The following KCNMA1 variants were observed in gnomAD, a reference collection of about 807,000 sequenced individuals.
KCNMA1 encodes potassium calcium-activated channel subfamily M alpha 1.
In KCNMA1, 29 loss-of-function variants were observed where a neutral mutation model predicts 140.0. The ratio of observed to expected loss-of-function variants is 0.21; its 90% confidence interval spans 0.15 to 0.28. The LOEUF (loss-of-function observed/expected upper bound fraction) is 0.28, where lower values mean the gene tolerates loss of function less well. KCNMA1 is among the 10% of genes least tolerant of loss of function. The pLI, the probability that KCNMA1 is intolerant of heterozygous loss-of-function variation, is 1.00. For missense variants in KCNMA1, 880 were observed against 1,602.2 expected (o/e 0.55, Z 7.70); for synonymous variants, 612 against 611.9 (o/e 1.00, Z 0.00).
intron 1 of KCNMA1, among the ~76,000 whole-genome samples, chr10:77,456,899 C>T (rs2097770778): frequency 6.6e-6 from 1 of 152,198 alleles, no homozygotes; most frequent in Admixed American, 6.5e-5. Context: ...AGAGTATAGA[C>T]ACTGTCGCTA....
Position 77,025,242 on chromosome 10 carries a change from GTATATATA to G in KCNMA1, c.1928+2573_1928+2580del, listed in dbSNP as rs1183311699. ...ACTCTAGTTGGAGAGGGGTGTGTGT[GTATATATA>G]TATATATATATATATATATATATAT... On this transcript the variant is annotated intron_variant, in intron 16 of 27. Coordinates refer to ENST00000286628, the MANE Select transcript of KCNMA1 (RefSeq NM_001161352.2). 7.7e-4 allele frequency among the ~76,000 whole-genome samples: 33 copies of G among 42,764 alleles called. No homozygotes were observed. In the South Asian group the frequency reaches 0.019, roughly 24 times the overall value. 28.1% of individuals were successfully genotyped at this position (42,764 alleles called of 152,430 possible).
intron 2 of KCNMA1, among the ~76,000 whole-genome samples, chr10:77,297,083 G>A (rs928006441): frequency 3.9e-5 from 6 of 152,086 alleles, no homozygotes; most frequent in Non-Finnish European, 8.8e-5. Flanking sequence ...GACCACCCCC[G>A]TAACTTGTGA....
intron 3 of KCNMA1, among the ~76,000 whole-genome samples, chr10:77,244,800 G>A (rs1325048697): frequency 2.4e-5 from 1 of 40,984 alleles, no homozygotes; most frequent in Admixed American, 2.6e-4. Flanking sequence ...GGTACATTCT[G>A]AAGGGAGACA....
At chr10:77,446,732 G>A (rs796992203) in intron 1 of KCNMA1, among the ~76,000 whole-genome samples, 6 of 152,220 alleles carry the variant, frequency 3.9e-5, no homozygotes, top group African/African-American at 1.2e-4. Context: ...GGCTTCAGAA[G>A]ATAGCTAGAA....
chr10:77,453,937 T>G (rs772103740), intron 1 of KCNMA1, among the ~76,000 whole-genome samples: 1 of 152,112 alleles, frequency 6.6e-6, no homozygotes, highest in East Asian at 1.9e-4. Flanking sequence ...GGTAGAGTAC[T>G]GAGAATAGCA....
chr10:77,260,007 G>C (rs963409477), intron 2 of KCNMA1, among the ~76,000 whole-genome samples: 1 of 152,216 alleles, frequency 6.6e-6, no homozygotes, highest in African/African-American at 2.4e-5. Context: ...GGAAGCAAAA[G>C]AGAGGTGGGA....
intron 1 of KCNMA1, among the ~76,000 whole-genome samples, chr10:77,510,373 A>G (rs975420374): frequency 9.2e-5 from 14 of 152,082 alleles, no homozygotes; most frequent in African/African-American, 3.4e-4. Flanking sequence ...ATACCACTTA[A>G]TTGACTGATT....
In KCNMA1 at chr10:77,079,540, T is replaced by C. The variant is rs781682363; in HGVS notation, c.1534A>G (p.Ile512Val). Residue 512 changes from isoleucine (I) to valine (V), a missense_variant, in exon 13 of 28, where the codon ATA becomes GTA. By Grantham distance (29) the Ile-to-Val change is conservative (BLOSUM62 3). This residue lies in a region of KCNMA1 where 198 missense variants were observed against 580.1 expected (regional missense o/e 0.34). Coordinates refer to ENST00000286628, the MANE Select transcript of KCNMA1 (RefSeq NM_001161352.2). Reference sequence around the variant, plus strand: ...CTTATCTTCGGATGGTAGTTCTTTATGGAGATTACTCTGAAAAAGAAAGAA... The same window carrying C: ...CTTATCTTCGGATGGTAGTTCTTTACGGAGATTACTCTGAAAAAGAAAGAA... Reference protein sequence around the residue: ...DASNIMRVISIKNYHPKIRII... With the variant: ...DASNIMRVISVKNYHPKIRII... The C allele has an allele frequency of 2.5e-6, 4 of 1,606,498 alleles. No homozygotes were observed. The highest frequency in any genetic ancestry group is 2.2e-5 in the East Asian group (1 of 44,836).
At chr10:77,289,526 A>G (rs142423100) in intron 2 of KCNMA1, among the ~76,000 whole-genome samples, 161 of 152,356 alleles carry the variant, frequency 1.1e-3, no homozygotes, top group Middle Eastern at 0.01. Flanking sequence ...CTTCTCTTTT[A>G]AAGAACCACT....
At chr10:77,535,154 C>T (rs949467867) in intron 1 of KCNMA1, among the ~76,000 whole-genome samples, 2 of 152,156 alleles carry the variant, frequency 1.3e-5, no homozygotes, top group African/African-American at 4.8e-5. Context: ...GTAGCAACCA[C>T]ACATCAGTTA....
intron 9 of KCNMA1, among the ~76,000 whole-genome samples, chr10:77,098,564 A>G (rs1333826578): frequency 3.4e-5 from 5 of 148,574 alleles, no homozygotes; most frequent in South Asian, 2.2e-4. Context: ...TCTCTAAGGT[A>G]CCCTAACCTT....
intron 1 of KCNMA1, among the ~76,000 whole-genome samples, chr10:77,603,179 C>T (rs374940623): frequency 6.6e-6 from 1 of 152,296 alleles, no homozygotes; most frequent in Non-Finnish European, 1.5e-5. Flanking sequence ...CCACATCCCC[C>T]CTGGTGCCCT....
intron 1 of KCNMA1, among the ~76,000 whole-genome samples, chr10:77,450,624 A>G (rs1055354293): frequency 2.0e-5 from 3 of 152,188 alleles, no homozygotes; most frequent in Admixed American, 2.0e-4. Flanking sequence ...ACTTTAAGGT[A>G]TCTCACTAGT....
At position 77,016,479 on chromosome 10, in the gene KCNMA1, G is replaced by A. The variant is rs995204438; in HGVS notation, c.2015+2534C>T. Among the ~76,000 whole-genome samples, 3 of 152,252 alleles carry A rather than the reference G, an allele frequency of 2.0e-5. No homozygotes were observed. The East Asian group carries it at 5.8e-4, about 29-fold the overall frequency. On this transcript the variant is annotated intron_variant, in intron 17 of 27. Transcript: ENST00000286628. Reference sequence around the variant, plus strand: ...ACATTTGATGGGCGAATGAATGAGTGAGTTTGAGACTGCTTCCCGGTATTG... The same window carrying A: ...ACATTTGATGGGCGAATGAATGAGTAAGTTTGAGACTGCTTCCCGGTATTG...
At chr10:77,607,635 C>T (rs904776762) in intron 1 of KCNMA1, among the ~76,000 whole-genome samples, 9 of 151,954 alleles carry the variant, frequency 5.9e-5, no homozygotes, top group East Asian at 3.9e-4. Flanking sequence ...GCTTTGGATA[C>T]GGAGCAGAAA....
At chr10:77,012,527 G>A (rs2091049749) in intron 17 of KCNMA1, 3 of 1,550,134 alleles carry the variant, frequency 1.9e-6, no homozygotes, top group Non-Finnish European at 2.6e-6. Context: ...ACCTTTTCTG[G>A]GCAGCCAAAG....
At chr10:77,471,850 C>T (rs2098163309) in intron 1 of KCNMA1, among the ~76,000 whole-genome samples, 1 of 151,792 alleles carries the variant, frequency 6.6e-6, no homozygotes, top group African/African-American at 2.4e-5. Context: ...CGCATGTACA[C>T]ACTATACACA....
At chr10:76,925,581 G>A (rs1293863019) in intron 23 of KCNMA1, among the ~76,000 whole-genome samples, 1 of 152,050 alleles carries the variant, frequency 6.6e-6, no homozygotes, top group Non-Finnish European at 1.5e-5. Context: ...AAAGAAACGT[G>A]AAGAGCTCAT....
chr10:77,465,902 GC>G (rs1209622455), intron 1 of KCNMA1, among the ~76,000 whole-genome samples: 1 of 152,208 alleles, frequency 6.6e-6, no homozygotes, highest in African/African-American at 2.4e-5. Context: ...TCCACAACCT[GC>G]CTCAGCCTAT....
Sources: allele counts gnomAD v4.1 joint callset (sites outside exome capture counted in the v4.1 genomes callset), GRCh38; gene constraint gnomAD v4.1.1; regional missense constraint gnomAD v4.1.1; transcripts MANE v1.5; gene names NCBI Gene and HGNC (gene_info 2026-07-23, HGNC 2026-07-21).